Variants in ALPK1 observed in about 807,000 individuals in gnomAD.
The protein encoded by ALPK1 is alpha kinase 1.
In ALPK1, 110 loss-of-function variants were observed where a neutral mutation model predicts 120.6. That is an observed-to-expected ratio of 0.91 (90% CI 0.78 to 1.07). ALPK1 has a LOEUF of 1.07. Ranked by LOEUF, ALPK1 falls within the 50% of genes least tolerant of loss-of-function variation. The pLI is 0.00. For missense variants in ALPK1, 1,498 were observed against 1,483.9 expected (o/e 1.01, Z -0.16); for synonymous variants, 582 against 560.3 (o/e 1.04, Z -0.55).
intron 2 of ALPK1, among the ~76,000 whole-genome samples, chr4:112,360,826 G>A (rs1467886955): frequency 6.6e-6 from 1 of 152,174 alleles, no homozygotes; most frequent in Non-Finnish European, 1.5e-5. Flanking sequence ...CCAACTGTAT[G>A]TAAGTCCTTT....
chr4:112,363,731 G>A (rs533448948), intron 2 of ALPK1, among the ~76,000 whole-genome samples: 5 of 152,068 alleles, frequency 3.3e-5, no homozygotes, highest in Non-Finnish European at 7.4e-5. Flanking sequence ...CATTGTTATT[G>A]TTCTACTGAA....
intron 2 of ALPK1, among the ~76,000 whole-genome samples, chr4:112,339,863 A>C (rs1729783728): frequency 6.6e-6 from 1 of 152,254 alleles, no homozygotes; most frequent in Non-Finnish European, 1.5e-5. Context: ...AGGTGTGGTT[A>C]GCACTTGATC....
intron 4 of ALPK1, among the ~76,000 whole-genome samples, chr4:112,411,336 C>A (rs1047148800): frequency 3.9e-5 from 6 of 152,112 alleles, no homozygotes; most frequent in Non-Finnish European, 7.4e-5. Context: ...GTGATTCTCC[C>A]GCCTCAGCCT....
chr4:112,377,660 C>G lies in ALPK1; in HGVS notation c.-100-18C>G. ...TGATGCTTCAGTTAATCATCTTTCC[C>G]TCTCTTTTGTTCACCAGGTACTTCG... On this transcript the variant is annotated intron_variant, in intron 2 of 15. Transcript: ENST00000650871. The G allele has an allele frequency of 1.0e-6, 1 of 981,722 alleles. No individual in the cohort carries two copies. The highest frequency in any genetic ancestry group is 2.9e-5 in the East Asian group (1 of 34,960). The allele number at this position is 981,722 out of a possible 1,614,324, so 60.8% of individuals were successfully genotyped here. A position where few individuals can be genotyped will look rare whatever the true frequency, so the allele number is the denominator to read the frequency against.
intron 1 of ALPK1, among the ~76,000 whole-genome samples, chr4:112,314,387 G>T (rs1728544457): frequency 6.6e-6 from 1 of 150,704 alleles, no homozygotes; most frequent in Admixed American, 6.8e-5. Context: ...GAGACTAAAA[G>T]GGGACAAGAT....
At chr4:112,348,045 A>G (rs748443443) in intron 2 of ALPK1, among the ~76,000 whole-genome samples, 10 of 152,154 alleles carry the variant, frequency 6.6e-5, no homozygotes, top group Non-Finnish European at 1.2e-4. Flanking sequence ...AGAGGTACCA[A>G]AGAAAGTAAG....
chr4:112,339,260 T>C (rs1210281491), intron 2 of ALPK1, among the ~76,000 whole-genome samples: 1 of 152,200 alleles, frequency 6.6e-6, no homozygotes, highest in Non-Finnish European at 1.5e-5. Flanking sequence ...AGGGATAATA[T>C]GATGAGGTTC....
chr4:112,312,551 C>T (rs1284196631), intron 1 of ALPK1, among the ~76,000 whole-genome samples: 2 of 152,168 alleles, frequency 1.3e-5, no homozygotes, highest in African/African-American at 4.8e-5. Flanking sequence ...GGATTACAGG[C>T]GTGAGCCTCC....
chr4:112,368,294 A>T (rs1731246658), intron 2 of ALPK1, among the ~76,000 whole-genome samples: 1 of 152,138 alleles, frequency 6.6e-6, no homozygotes. Flanking sequence ...ATTTCTAGAA[A>T]TTCTTATTCT....
At chr4:112,309,159 C>A (rs1728273052) in intron 1 of ALPK1, among the ~76,000 whole-genome samples, 1 of 152,154 alleles carries the variant, frequency 6.6e-6, no homozygotes, top group South Asian at 2.1e-4. Context: ...TCTGCCCTTA[C>A]TGGAGGGTGC....
At chr4:112,439,534 A>G (rs1734935045) in intron 13 of ALPK1, 152 bp from the exon 14 acceptor site, 2 of 573,854 alleles carry the variant, frequency 3.5e-6, no homozygotes, top group South Asian at 6.4e-5. Context: ...CAAGCCTAAA[A>G]GGTAGTTATA....
chr4:112,370,221 A>G (rs1235811064), intron 2 of ALPK1, among the ~76,000 whole-genome samples: 1 of 152,248 alleles, frequency 6.6e-6, no homozygotes. Context: ...CTAAGTTACC[A>G]ATAGAACTGA....
chr4:112,439,837 T>G lies in ALPK1; in HGVS notation c.3503T>G (p.Phe1168Cys), dbSNP rs1402097058. 11 of 1,610,864 alleles carry G rather than the reference T, an allele frequency of 6.8e-6. No individual in the cohort carries two copies. The highest frequency in any genetic ancestry group is 9.3e-6 in the Non-Finnish European group (11 of 1,179,318). Residue 1168 changes from phenylalanine to cysteine, a missense_variant, in exon 14 of 16, where the codon TTT (phenylalanine) becomes TGT (cysteine). Transcript: ENST00000650871. ...GCCTATGGCCATTTTTCTTATGAGT[T>G]TTCTAATCATAGAGATGTTGTGGTC... The part of the protein sequence containing the change: ...GLAYGHFSYE[F>C]SNHRDVVVDL...
chr4:112,343,648 C>T (rs1194718538), intron 2 of ALPK1: 1 of 152,242 alleles, frequency 6.6e-6, no homozygotes, highest in Non-Finnish European at 1.5e-5. Flanking sequence ...GTGCTAACCT[C>T]GCTGCTGCAG....
intron 2 of ALPK1, among the ~76,000 whole-genome samples, chr4:112,326,771 A>G (rs1438872843): frequency 6.6e-6 from 1 of 152,240 alleles, no homozygotes. Context: ...CCCTATGTGT[A>G]CGTAAATCTA....
In ALPK1 at chr4:112,385,713, T is replaced by C. The variant is rs1732123067; in HGVS notation, c.276+3161T>C. ...TTGAATAAATTCCATGATTTGTTTTTGTTTCATTGTATCCCAATCTGGTCG... is the reference window on the plus strand; with the variant it reads ...TTGAATAAATTCCATGATTTGTTTTCGTTTCATTGTATCCCAATCTGGTCG... On this transcript the variant is annotated intron_variant, in intron 4 of 15. Coordinates refer to ENST00000650871, the MANE Select transcript of ALPK1 (RefSeq NM_025144.4). Among the ~76,000 whole-genome samples, 3 of 152,338 alleles carry C rather than the reference T, an allele frequency of 2.0e-5. No individual in the cohort carries two copies. The South Asian group carries it at 6.2e-4, about 32-fold the overall frequency.
chr4:112,328,719 T>A (rs188220376), intron 2 of ALPK1, among the ~76,000 whole-genome samples: 1 of 152,212 alleles, frequency 6.6e-6, no homozygotes, highest in African/African-American at 2.4e-5. Flanking sequence ...GGAGGACTAG[T>A]TTTACTGTCC....
chr4:112,425,839 GGCTAAAATTGTTAATTTCCACTT>G (rs1345138602), intron 7 of ALPK1, 88 bp downstream of exon 7: 6 of 1,125,942 alleles, frequency 5.3e-6, no homozygotes, highest in Non-Finnish European at 7.8e-6. Flanking sequence ...TCTTTTATCA[GGCTAAAATTGTTAATTTCCACTT>G]GCCTTAGTTT....
At chr4:112,329,775 G>A (rs934146785) in intron 2 of ALPK1, among the ~76,000 whole-genome samples, 1 of 152,176 alleles carries the variant, frequency 6.6e-6, no homozygotes, top group African/African-American at 2.4e-5. Flanking sequence ...GCCATCTGAC[G>A]TGAAATCACA....
Sources: allele counts gnomAD v4.1 joint callset (sites outside exome capture counted in the v4.1 genomes callset), GRCh38; gene constraint gnomAD v4.1.1; transcripts MANE v1.5; gene names NCBI Gene and HGNC (gene_info 2026-07-23, HGNC 2026-07-21).